The following LYPLAL1 variants were observed in gnomAD, a reference collection of about 807,000 sequenced individuals.
LYPLAL1 encodes lysophospholipase like 1.
LYPLAL1 carries 23 observed loss-of-function variants against 19.7 expected under a neutral mutation model. The ratio of observed to expected loss-of-function variants is 1.17; its 90% CI spans 0.84 to 1.65. The LOEUF is 1.65. LYPLAL1 is among the 40% of genes most tolerant of loss of function. The pLI is 0.00. For synonymous variants in LYPLAL1, 119 were observed against 96.3 expected, an observed-to-expected ratio of 1.24 and a Z score of -1.38; for missense variants, 355 against 279.4, an observed-to-expected ratio of 1.27 and a Z score of -1.93.
the LYPLAL1 span, among the ~76,000 whole-genome samples, chr1:219,223,686 T>A: frequency 6.6e-6 from 1 of 152,168 alleles, no homozygotes; most frequent in Non-Finnish European, 1.5e-5. Flanking sequence ...AAAATGCCCA[T>A]AAGAGACTTA....
At chr1:219,394,900 G>A in the LYPLAL1 span, among the ~76,000 whole-genome samples, 39 of 152,192 alleles carry the variant, frequency 2.6e-4, no homozygotes, top group Admixed American at 1.1e-3. Flanking sequence ...TTCTGTTCCC[G>A]CATTAGTTTG....
chr1:219,400,037 A>C, the LYPLAL1 span, among the ~76,000 whole-genome samples: 1 of 152,124 alleles, frequency 6.6e-6, no homozygotes, highest in Non-Finnish European at 1.5e-5. Context: ...CAGAGGTCCA[A>C]GGTAAGAGCA....
the LYPLAL1 span, chr1:219,271,777 G>T: frequency 6.6e-6 from 1 of 152,198 alleles, no homozygotes; most frequent in African/African-American, 2.4e-5. Context: ...CATGATTCTA[G>T]TATCTTGAAT....
the LYPLAL1 span, among the ~76,000 whole-genome samples, chr1:219,303,877 G>T: frequency 3.9e-5 from 6 of 152,118 alleles, no homozygotes; most frequent in Non-Finnish European, 7.3e-5. Flanking sequence ...TGAAGAAACA[G>T]TTCCCTTCAA....
At chr1:219,373,426 G>A in the LYPLAL1 span, among the ~76,000 whole-genome samples, 10 of 152,210 alleles carry the variant, frequency 6.6e-5, no homozygotes, top group African/African-American at 2.4e-4. Context: ...TGCTTGCTGA[G>A]TTATTACCCC....
chr1:219,267,527 G>A, the LYPLAL1 span, among the ~76,000 whole-genome samples: 1 of 152,228 alleles, frequency 6.6e-6, no homozygotes, highest in Admixed American at 6.5e-5. Flanking sequence ...ATATAACTAC[G>A]TCTGGGAAAA....
chr1:219,272,627 AT>A, the LYPLAL1 span: 1 of 152,058 alleles, frequency 6.6e-6, no homozygotes, highest in Non-Finnish European at 1.5e-5. Context: ...AACAAAAAAA[AT>A]TAACTGAGTG....
At chr1:219,183,136 ATG>A (rs1378230817) in intron 2 of LYPLAL1, among the ~76,000 whole-genome samples, 1 of 151,866 alleles carries the variant, frequency 6.6e-6, no homozygotes, top group African/African-American at 2.4e-5. Context: ...AAACCAGTAG[ATG>A]TGTAATGGTA....
At chr1:219,366,142 C>G in the LYPLAL1 span, among the ~76,000 whole-genome samples, 1 of 152,104 alleles carries the variant, frequency 6.6e-6, no homozygotes, top group Non-Finnish European at 1.5e-5. Context: ...CCCATTCACT[C>G]ATATCTTATC....
At chr1:219,359,982 GC>G in the LYPLAL1 span, among the ~76,000 whole-genome samples, 1 of 152,172 alleles carries the variant, frequency 6.6e-6, no homozygotes, top group Non-Finnish European at 1.5e-5. Flanking sequence ...CTAATAGTCA[GC>G]CATCTTTGTT....
the LYPLAL1 span, among the ~76,000 whole-genome samples, chr1:219,233,455 A>G: frequency 1.3e-5 from 2 of 152,332 alleles, no homozygotes; most frequent in Admixed American, 6.5e-5. Flanking sequence ...ACTAAACTAT[A>G]CACTTAAAAA....
the LYPLAL1 span, among the ~76,000 whole-genome samples, chr1:219,367,390 C>G: frequency 1.3e-5 from 2 of 152,204 alleles, no homozygotes; most frequent in South Asian, 4.1e-4. Flanking sequence ...TCAGATGATT[C>G]TGATGGTAGT....
At chr1:219,282,382 TTCC>T in the LYPLAL1 span, among the ~76,000 whole-genome samples, 14 of 149,666 alleles carry the variant, frequency 9.4e-5, no homozygotes, top group African/African-American at 3.4e-4. Flanking sequence ...TAATTAGGAG[TTCC>T]AGAAAGAAAA....
chr1:219,302,056 G>A, the LYPLAL1 span, among the ~76,000 whole-genome samples: 10 of 152,176 alleles, frequency 6.6e-5, no homozygotes, highest in Non-Finnish European at 1.2e-4. Context: ...GCAAAAAGGG[G>A]TGTGCATAGC....
chr1:219,442,115 A>C, the LYPLAL1 span, among the ~76,000 whole-genome samples: 1 of 152,156 alleles, frequency 6.6e-6, no homozygotes, highest in African/African-American at 2.4e-5. Context: ...ACTGAAAGCA[A>C]TAATGTGTCT....
intron 2 of LYPLAL1, among the ~76,000 whole-genome samples, chr1:219,192,461 C>G (rs4846285): frequency 1 from 151,315 of 151,642 alleles, 75,498 homozygotes; most frequent in Middle Eastern, 1. Context: ...GTTTTCTTTG[C>G]CACTCTGTTT....
chr1:219,209,093 G>C (rs1658796569), intron 3 of LYPLAL1, among the ~76,000 whole-genome samples: 1 of 152,032 alleles, frequency 6.6e-6, no homozygotes, highest in South Asian at 2.1e-4. Context: ...CTTCTAATTA[G>C]ATGTATCTAC....
intron 1 of LYPLAL1, among the ~76,000 whole-genome samples, chr1:219,175,754 G>A (rs1330302931): frequency 2.0e-5 from 3 of 152,076 alleles, no homozygotes; most frequent in Non-Finnish European, 4.4e-5. Flanking sequence ...CTTTATCGTT[G>A]GGAGTAGGTC....
the LYPLAL1 span, among the ~76,000 whole-genome samples, chr1:219,367,599 A>G: frequency 6.6e-6 from 1 of 152,294 alleles, no homozygotes; most frequent in Admixed American, 6.5e-5. Flanking sequence ...TCTCTAGGCA[A>G]TTGGGAAAAG....
Sources: gnomAD v4.1 joint callset for allele counts (sites outside exome capture counted in the v4.1 genomes callset) on GRCh38, gnomAD v4.1.1 for gene constraint, MANE v1.5 for transcripts, NCBI Gene and HGNC (gene_info 2026-07-23, HGNC 2026-07-21) for gene names.